The following ETFA variants were observed in gnomAD, a reference collection of about 807,000 sequenced individuals.
ETFA encodes electron transfer flavoprotein subunit alpha, mitochondrial.
Under a neutral mutation model 46.2 loss-of-function variants are expected in ETFA, and 22 were observed. The ratio of observed to expected loss-of-function variants is 0.48; its 90% CI spans 0.34 to 0.68. The LOEUF (loss-of-function observed/expected upper bound fraction) is 0.68. ETFA is among the 30% of genes least tolerant of loss of function. ETFA has a pLI of 0.01. For synonymous variants in ETFA, 131 were observed against 139.9 expected (o/e 0.94, Z 0.45); for missense variants, 345 against 401.1 (o/e 0.86, Z 1.19).
rs1045852580 is a variant in ETFA at position 76,259,640 on chromosome 15, G to A, written c.816+14772C>T. 5.5e-5 allele frequency: 49 copies of A among 894,046 alleles called. 1 individual carries two copies. Among genetic ancestry groups the A allele is most frequent in the Admixed American group, 1.9e-4 (11 of 58,898 alleles). The allele number at this position is 894,046 out of a possible 1,614,324, so 55.4% of individuals were successfully genotyped here. On this transcript the variant is annotated intron_variant, in intron 9 of 11. Coordinates refer to ENST00000557943, the MANE Select transcript of ETFA (RefSeq NM_000126.4). ...GGGCCAGCCACTTGACGGGCAATTT[G>A]GAGGCACAGCCCTAACAATAGTAGC...
intron 2 of ETFA, among the ~76,000 whole-genome samples, chr15:76,294,038 G>A (rs1435683261): frequency 6.6e-6 from 1 of 152,182 alleles, no homozygotes; most frequent in African/African-American, 2.4e-5. Flanking sequence ...TTTATGACAA[G>A]TAGCTGAATA....
intron 2 of ETFA, among the ~76,000 whole-genome samples, chr15:76,295,045 A>G (rs913124755): frequency 6.6e-6 from 1 of 152,192 alleles, no homozygotes; most frequent in African/African-American, 2.4e-5. Flanking sequence ...CCTGCAAATC[A>G]TATCATAGCA....
intron 9 of ETFA, among the ~76,000 whole-genome samples, chr15:76,240,075 TTTTAA>T (rs1312027566): frequency 1.3e-5 from 2 of 152,238 alleles, no homozygotes; most frequent in East Asian, 3.8e-4. Context: ...TGTTTCTTTC[TTTTAA>T]TTTATGTAAC....
At chr15:76,302,379 T>C (rs987489280) in intron 1 of ETFA, among the ~76,000 whole-genome samples, 56 of 41,550 alleles carry the variant, frequency 1.3e-3, no homozygotes, top group Non-Finnish European at 3.5e-3. Context: ...GCATATTACT[T>C]AGTGAAAAAA....
intron 1 of ETFA, among the ~76,000 whole-genome samples, chr15:76,303,349 G>A (rs1471988374): frequency 6.6e-6 from 1 of 151,898 alleles, no homozygotes; most frequent in Non-Finnish European, 1.5e-5. Flanking sequence ...GTAAGACCTC[G>A]AACTATAAAA....
chr15:76,227,847 T>A (rs1316859815), intron 10 of ETFA: 1 of 455,986 alleles, frequency 2.2e-6, no homozygotes, highest in Non-Finnish European at 4.4e-6. Context: ...CAGAGAGATG[T>A]GCAGAAGATG....
rs778811845 is a variant in ETFA at position 76,216,195 on chromosome 15, T to C, written c.*364A>G. ...TCATGTTTACAATCTTCCTAAAACATAGAGCTCTCCATGAACAAGAAAGGC... is the reference window on the plus strand; with the variant it reads ...TCATGTTTACAATCTTCCTAAAACACAGAGCTCTCCATGAACAAGAAAGGC... On this transcript the variant is annotated 3_prime_UTR_variant, in exon 12 of 12. Coordinates refer to ENST00000557943, the MANE Select transcript of ETFA (RefSeq NM_000126.4). The C allele has an allele frequency of 1.4e-5, 3 of 210,094 alleles. No homozygotes were observed. Among genetic ancestry groups the C allele is most frequent in the African/African-American group, 2.4e-5 (1 of 42,120 alleles). The allele number at this position is 210,094 out of a possible 1,614,324, so 13.0% of individuals were successfully genotyped here. A position where few individuals can be genotyped will look rare whatever the true frequency, so the allele number is the denominator to read the frequency against.
At chr15:76,220,384 A>G (rs2142103853) in intron 11 of ETFA, among the ~76,000 whole-genome samples, 1 of 152,326 alleles carries the variant, frequency 6.6e-6, no homozygotes, top group Non-Finnish European at 1.5e-5. Flanking sequence ...TTTTTTAGAT[A>G]TGAGACTTCA....
chr15:76,259,685 G>T, intron 9 of ETFA: 1 of 1,102,446 alleles, frequency 9.1e-7, no homozygotes, highest in South Asian at 1.2e-5. Context: ...GATCTTCCAG[G>T]AGAGTCCAAA....
intron 10 of ETFA, among the ~76,000 whole-genome samples, chr15:76,229,596 GTTTC>G (rs894508543): frequency 6.6e-6 from 1 of 152,182 alleles, no homozygotes; most frequent in African/African-American, 2.4e-5. Flanking sequence ...TGGTGTTGGA[GTTTC>G]TTTCTTTTAT....
In ETFA at chr15:76,306,267, C is replaced by CTTTTTTT. The variant is rs35290919; in HGVS notation, c.39+5076_39+5082dup. Among the ~76,000 whole-genome samples the CTTTTTTT allele has an allele frequency of 4.1e-4, 45 of 109,476 alleles. 3 individuals are homozygous for CTTTTTTT. The East Asian group carries it at 4.9e-3, about 12-fold the overall frequency. The allele number at this position is 109,476 out of a possible 152,430, so 71.8% of individuals were successfully genotyped here. ...AGGGCAGGGGAGGGTTTTTTTGCTT[C>CTTTTTTT]TTTTTTTTTTTTTTTTTGAGACAGA... On this transcript the variant is annotated intron_variant, in intron 1 of 11. Transcript: ENST00000557943.
chr15:76,243,799 A>C (rs2039217706), intron 9 of ETFA, among the ~76,000 whole-genome samples: 1 of 140,216 alleles, frequency 7.1e-6, no homozygotes, highest in Non-Finnish European at 1.6e-5. Flanking sequence ...ACTCTGTCTC[A>C]AAAAAACAAA....
intron 8 of ETFA, among the ~76,000 whole-genome samples, chr15:76,276,991 T>A (rs1482066606): frequency 6.6e-6 from 1 of 152,230 alleles, no homozygotes; most frequent in East Asian, 1.9e-4. Context: ...CTTGCAATAT[T>A]TTCTTGATAG....
chr15:76,275,466 T>G (rs1407763836), intron 8 of ETFA, among the ~76,000 whole-genome samples: 2 of 152,200 alleles, frequency 1.3e-5, no homozygotes, highest in Non-Finnish European at 2.9e-5. Context: ...TCTCCACTCA[T>G]TTACTTTATA....
chr15:76,285,111 T>TA (rs1555458635), intron 7 of ETFA, among the ~76,000 whole-genome samples: 3 of 152,086 alleles, frequency 2.0e-5, no homozygotes, highest in South Asian at 2.1e-4. Context: ...CAGTGGGCCA[T>TA]AAAAAAATCA....
At chr15:76,262,176 G>A (rs2039420644) in intron 9 of ETFA, among the ~76,000 whole-genome samples, 1 of 152,030 alleles carries the variant, frequency 6.6e-6, no homozygotes, top group African/African-American at 2.4e-5. Flanking sequence ...TTATACAAGA[G>A]TCAGTGACCC....
In ETFA at chr15:76,247,600, A is replaced by G. The variant is rs146829525; in HGVS notation, c.817-16202T>C. On this transcript the variant is annotated intron_variant, in intron 9 of 11. Coordinates refer to ENST00000557943, the MANE Select transcript of ETFA (RefSeq NM_000126.4). ...ACTCAGGCAACTCTTTAATCAGTAC[A>G]TTTTTTTTTACGTGGTCTTGGTTAT... Among the ~76,000 whole-genome samples, 194 of 151,282 alleles carry G rather than the reference A, an allele frequency of 1.3e-3. 2 individuals are homozygous for G. The highest frequency in any genetic ancestry group is 4.2e-3 in the African/African-American group (174 of 41,208).
rs1456059485 is a variant in ETFA, at chr15:76,306,641, G to T, written c.39+4709C>A. On this transcript the variant is annotated intron_variant, in intron 1 of 11. Transcript: ENST00000557943. ...AATCTTTCTGAGTCATACCCAAAAG[G>T]ATAATATATAAAGTCACCTATCCCT... Among the ~76,000 whole-genome samples, 4 of 152,056 alleles carry T rather than the reference G, an allele frequency of 2.6e-5. No homozygotes were observed. The East Asian group carries it at 7.7e-4, about 29-fold the overall frequency.
At chr15:76,286,228 G>T in intron 6 of ETFA, 143 bp downstream of exon 6, 1 of 592,490 alleles carries the variant, frequency 1.7e-6, no homozygotes, top group Non-Finnish European at 3.0e-6. Flanking sequence ...TATTATTTTT[G>T]TATAAGCTTG....
Sources: allele counts gnomAD v4.1 joint callset (sites outside exome capture counted in the v4.1 genomes callset), GRCh38; gene constraint gnomAD v4.1.1; transcripts MANE v1.5; gene names NCBI Gene and HGNC (gene_info 2026-07-23, HGNC 2026-07-21).